Variants in SCN1A observed in about 807,000 individuals in gnomAD.
The protein encoded by SCN1A is sodium voltage-gated channel alpha subunit 1.
A neutral mutation model predicts 193.7 loss-of-function variants in SCN1A; 13 were observed. That is an observed-to-expected ratio of 0.07 (90% CI 0.04 to 0.11). The LOEUF is 0.11. SCN1A is among the 10% of genes least tolerant of loss of function. The pLI is 1.00. For missense variants in SCN1A, 1,432 were observed against 2,451.1 expected, an observed-to-expected ratio of 0.58 and a Z score of 8.78; for synonymous variants, 781 against 843.6, an observed-to-expected ratio of 0.93 and a Z score of 1.29.
intron 27 of SCN1A, among the ~76,000 whole-genome samples, chr2:165,995,487 T>C (rs1329818166): frequency 2.0e-5 from 3 of 151,848 alleles, no homozygotes. Context: ...ACATTAGTAA[T>C]ACCTAACTCT....
At chr2:166,033,159 T>C (rs915094694) in intron 19 of SCN1A, among the ~76,000 whole-genome samples, 19 of 152,300 alleles carry the variant, frequency 1.2e-4, no homozygotes, top group Admixed American at 9.2e-4. Context: ...CTATACTCTA[T>C]GCCTTATATC....
At chr2:166,086,257 C>A (rs1686105214) in intron 2 of SCN1A, among the ~76,000 whole-genome samples, 1 of 152,060 alleles carries the variant, frequency 6.6e-6, no homozygotes, top group South Asian at 2.1e-4. Context: ...TGACATGGAC[C>A]AACCACCTGA....
At chr2:166,079,569 G>A (rs959926559) in intron 2 of SCN1A, among the ~76,000 whole-genome samples, 15 of 150,430 alleles carry the variant, frequency 1.0e-4, no homozygotes, top group African/African-American at 2.9e-4. Flanking sequence ...GACAATCACC[G>A]TCTTTCAGAG....
chr2:165,994,067 G>A, intron 28 of SCN1A, 79 bp downstream of exon 28: 5 of 1,116,796 alleles, frequency 4.5e-6, no homozygotes, highest in African/African-American at 1.6e-5. Flanking sequence ...TGATTGCTGG[G>A]ATGATCTTGA....
At chr2:166,014,294 G>A (rs1487434974) in intron 20 of SCN1A, among the ~76,000 whole-genome samples, 1 of 151,598 alleles carries the variant, frequency 6.6e-6, no homozygotes, top group East Asian at 1.9e-4. Flanking sequence ...AGGATATAGA[G>A]TAAAAATGTA....
intron 23 of SCN1A, among the ~76,000 whole-genome samples, chr2:166,006,745 G>C (rs1691716048): frequency 6.6e-6 from 1 of 151,256 alleles, no homozygotes; most frequent in Non-Finnish European, 1.5e-5. Context: ...TATGAAACCT[G>C]AAATATTGCA....
At chr2:166,102,103 A>G (rs1045244089) in intron 2 of SCN1A, among the ~76,000 whole-genome samples, 1 of 152,246 alleles carries the variant, frequency 6.6e-6, no homozygotes, top group Admixed American at 6.5e-5. Flanking sequence ...CACGTGACCA[A>G]CAAGCATATG....
intron 2 of SCN1A, among the ~76,000 whole-genome samples, chr2:166,094,890 C>A (rs1559322399): frequency 6.6e-6 from 1 of 152,268 alleles, no homozygotes; most frequent in East Asian, 1.9e-4. Context: ...CCTTCCCCTT[C>A]AGCTGTTAAA....
At chr2:166,060,687 A>T (rs1223614016) in intron 4 of SCN1A, 2 of 152,088 alleles carry the variant, frequency 1.3e-5, no homozygotes, top group East Asian at 3.9e-4. Flanking sequence ...GTGAAACCCC[A>T]TCTCTACTAA....
At chr2:166,034,800 TAAG>T (rs767770552) in intron 19 of SCN1A, among the ~76,000 whole-genome samples, 5 of 152,164 alleles carry the variant, frequency 3.3e-5, no homozygotes, top group Non-Finnish European at 5.9e-5. Flanking sequence ...GGTGCACTTA[TAAG>T]AAGAAGAATA....
chr2:166,076,793 T>C (rs1403755497), intron 3 of SCN1A, among the ~76,000 whole-genome samples: 1 of 150,766 alleles, frequency 6.6e-6, no homozygotes, highest in Non-Finnish European at 1.5e-5. Flanking sequence ...GAAGAAAAGA[T>C]AGTCTTTTCA....
At chr2:166,057,665 G>A (rs1699266068) in intron 5 of SCN1A, among the ~76,000 whole-genome samples, 1 of 151,696 alleles carries the variant, frequency 6.6e-6, no homozygotes, top group Admixed American at 6.6e-5. Flanking sequence ...TTTAGTAATA[G>A]CATATTTATA....
chr2:166,119,219 A>T (rs1214199972), intron 2 of SCN1A, among the ~76,000 whole-genome samples: 1 of 152,150 alleles, frequency 6.6e-6, no homozygotes, highest in Non-Finnish European at 1.5e-5. Flanking sequence ...TTACTAAGTT[A>T]CATCATTAAT....
At chr2:166,126,793 C>T (rs1691294492) in intron 2 of SCN1A, 131 bp downstream of exon 2, 1 of 152,318 alleles carries the variant, frequency 6.6e-6, no homozygotes, top group Non-Finnish European at 1.5e-5. Flanking sequence ...TTAATTGTTG[C>T]ATTGGACAGG....
At chr2:166,053,233 A>G (rs1698789275) in intron 7 of SCN1A, 4 of 627,380 alleles carry the variant, frequency 6.4e-6, no homozygotes, top group East Asian at 5.4e-5. Flanking sequence ...GATAAATATT[A>G]TAAGTGGTAA....
intron 2 of SCN1A, among the ~76,000 whole-genome samples, chr2:166,118,302 C>CTTTTTTTTTT (rs61002916): frequency 1.2e-5 from 1 of 81,072 alleles, no homozygotes; most frequent in African/African-American, 5.1e-5. Flanking sequence ...TATTTAGTTT[C>CTTTTTTTTTT]TTTTTTTTTT....
At chr2:166,119,123 C>T (rs1271118287) in intron 2 of SCN1A, among the ~76,000 whole-genome samples, 3 of 152,188 alleles carry the variant, frequency 2.0e-5, no homozygotes, top group Non-Finnish European at 2.9e-5. Flanking sequence ...GCCCACTGCT[C>T]ACCTCCTACT....
At chr2:166,074,663 GA>G (rs1320858091) in intron 3 of SCN1A, among the ~76,000 whole-genome samples, 1 of 152,166 alleles carries the variant, frequency 6.6e-6, no homozygotes, top group African/African-American at 2.4e-5. Context: ...AGATTTCACA[GA>G]TATTACTGAG....
At chr2:166,059,665 C>T (rs767496084) in intron 4 of SCN1A, 4 of 152,000 alleles carry the variant, frequency 2.6e-5, no homozygotes, top group Non-Finnish European at 4.4e-5. Flanking sequence ...TTAAATTCAC[C>T]CATTCTTCGA....
Sources: gnomAD v4.1 joint callset for allele counts (sites outside exome capture counted in the v4.1 genomes callset) on GRCh38, gnomAD v4.1.1 for gene constraint, MANE v1.5 for transcripts, NCBI Gene and HGNC (gene_info 2026-07-23, HGNC 2026-07-21) for gene names.